ATP2C2: variants seen among roughly 807,000 people sequenced by gnomAD.
ATP2C2 encodes the protein ATPase secretory pathway Ca2+ transporting 2, also known as calcium-transporting ATPase type 2C member 2.
In ATP2C2, 171 loss-of-function variants were observed where a neutral mutation model predicts 110.8. That is an observed-to-expected ratio of 1.54 (90% CI 1.36 to 1.75). The LOEUF (loss-of-function observed/expected upper bound fraction) is 1.75. ATP2C2 is among the 40% of genes most tolerant of loss of function. The pLI, the probability that ATP2C2 is intolerant of heterozygous loss-of-function variation, is 0.00. For synonymous variants in ATP2C2, 804 were observed against 508.4 expected (o/e 1.58, Z -7.82); for missense variants, 1,963 against 1,235.0 (o/e 1.59, Z -8.84).
chr16:84,428,529 C>T (rs1247058649), intron 11 of ATP2C2, among the ~76,000 whole-genome samples: 1 of 152,000 alleles, frequency 6.6e-6, no homozygotes, highest in South Asian at 2.1e-4. Flanking sequence ...CTTAGTAACA[C>T]CAAATGCTGA....
At position 84,405,139 on chromosome 16, in the gene ATP2C2, C is replaced by T. The variant is rs1905645233; in HGVS notation, c.222C>T (p.His74=). ...DLARAFCVDL[H]TGLSEFSVTQ... is the part of the protein sequence containing the mutation. ...ACCTCTCCTTCCAGGTGGACTTACA[C>T]ACTGGGCTGTCGGAGTTCTCGGTGA... is the stretch of plus-strand genomic sequence containing the variant. The change falls in exon 3 of 27, where the codon CAC becomes CAT. Residue 74 remains histidine, a synonymous_variant. Coordinates refer to ENST00000262429, the MANE Select transcript of ATP2C2 (RefSeq NM_014861.4). The T allele has an allele frequency of 1.2e-6, 2 of 1,613,900 alleles. No homozygotes were observed. The highest frequency in any genetic ancestry group is 1.3e-5 in the African/African-American group (1 of 74,962).
intron 7 of ATP2C2, among the ~76,000 whole-genome samples, chr16:84,415,940 A>AT (rs11461873): frequency 0.031 from 4,794 of 152,254 alleles, 268 homozygotes; most frequent in African/African-American, 0.11. Flanking sequence ...AAGAAGTGAT[A>AT]TTAGAGGCGG....
At position 84,460,883 on chromosome 16, in the gene ATP2C2, ACAGC is replaced by A. The variant is rs1366302451; in HGVS notation, c.2481+83_2481+86del. ...GGACTGCAGTCCCTGCCCTCCTGCC[ACAGC>A]TCACATCTGGGAGAGGCAAACATGT... On this transcript the variant is annotated intron_variant, in intron 24 of 26. Coordinates refer to ENST00000262429, the MANE Select transcript of ATP2C2 (RefSeq NM_014861.4). 14 of 1,491,250 alleles carry A rather than the reference ACAGC, an allele frequency of 9.4e-6. No individual in the cohort carries two copies. The East Asian group carries it at 3.2e-4, about 34-fold the overall frequency. 92.4% of individuals were successfully genotyped at this position (1,491,250 alleles called of 1,614,324 possible). A position where few individuals can be genotyped will look rare whatever the true frequency, so the allele number is the denominator to read the frequency against.
intron 1 of ATP2C2, among the ~76,000 whole-genome samples, chr16:84,389,781 C>T (rs559723434): frequency 5.0e-4 from 72 of 144,420 alleles, no homozygotes; most frequent in African/African-American, 1.8e-3. Context: ...AGTACGGTGG[C>T]GCTATCTCCG....
Position 84,397,670 on chromosome 16 carries a change from A to AAAC in ATP2C2, c.100-827_100-826insCAA, listed in dbSNP as rs1366991805. On this transcript the variant is annotated intron_variant, in intron 1 of 26. Transcript: ENST00000262429. ...GCCTGGGTGACAAAAAAAAAAAAAA[A>AAAC]AAACTTGCTTAAAAATAGATGCATC... Among the ~76,000 whole-genome samples, 11 of 145,794 alleles carry AAAC rather than the reference A, an allele frequency of 7.5e-5. 1 individual carries two copies. Among genetic ancestry groups the AAAC allele is most frequent in the Non-Finnish European group, 1.4e-4 (9 of 65,172 alleles).
chr16:84,402,452 C>T (rs1428381717), intron 2 of ATP2C2, among the ~76,000 whole-genome samples: 7 of 152,126 alleles, frequency 4.6e-5, no homozygotes, highest in Non-Finnish European at 1.0e-4. Flanking sequence ...TCATATATGG[C>T]TTTTATTACA....
intron 6 of ATP2C2, among the ~76,000 whole-genome samples, chr16:84,412,429 C>T (rs570487221): frequency 1.3e-3 from 170 of 128,070 alleles, no homozygotes; most frequent in African/African-American, 4.3e-3. Flanking sequence ...TATGTGTGTG[C>T]GTGTGTGTAT....
At chr16:84,391,274 C>G (rs1387979746) in intron 1 of ATP2C2, among the ~76,000 whole-genome samples, 2 of 152,176 alleles carry the variant, frequency 1.3e-5, no homozygotes, top group Non-Finnish European at 2.9e-5. Flanking sequence ...GGACTGATGT[C>G]TACAAAGTAA....
chr16:84,443,276 C>T lies in ATP2C2; in HGVS notation c.1401+677C>T, dbSNP rs538083460. On this transcript the variant is annotated intron_variant, in intron 15 of 26. Transcript: ENST00000262429. ...GGGAGCAAAGGAAGGAAGAAGGTGGCCCCGGTCAGCTCCCACGTCTGTTTC... is the reference window on the plus strand; with the variant it reads ...GGGAGCAAAGGAAGGAAGAAGGTGGTCCCGGTCAGCTCCCACGTCTGTTTC... 2.6e-5 allele frequency among the ~76,000 whole-genome samples: 4 copies of T among 152,286 alleles called. No individual in the cohort carries two copies. In the East Asian group the frequency reaches 7.7e-4, roughly 29 times the overall value.
intron 17 of ATP2C2, 120 bp downstream of exon 17, chr16:84,448,809 C>G: frequency 7.4e-7 from 1 of 1,350,294 alleles, no homozygotes; most frequent in Admixed American, 2.4e-5. Flanking sequence ...AGGCAGCATG[C>G]TGACGGCAAT....
chr16:84,431,376 T>C (rs539430874), intron 11 of ATP2C2, among the ~76,000 whole-genome samples: 1 of 152,132 alleles, frequency 6.6e-6, no homozygotes, highest in South Asian at 2.1e-4. Context: ...GTACCTGTAA[T>C]CCCAGCTACT....
At chr16:84,412,208 A>G (rs567960253) in intron 6 of ATP2C2, among the ~76,000 whole-genome samples, 4 of 152,102 alleles carry the variant, frequency 2.6e-5, no homozygotes, top group Non-Finnish European at 4.4e-5. Context: ...GCTGCTACAA[A>G]AGTTACTGCA....
intron 18 of ATP2C2, among the ~76,000 whole-genome samples, chr16:84,452,292 C>T (rs1910359079): frequency 6.6e-6 from 1 of 152,164 alleles, no homozygotes; most frequent in African/African-American, 2.4e-5. Flanking sequence ...TTGGCAGGTT[C>T]TGCAAAAGGG....
Position 84,368,558 on chromosome 16 carries a change from G to A in ATP2C2, c.-58G>A, listed in dbSNP as rs1048092317. The A allele has an allele frequency of 6.3e-5, 86 of 1,359,168 alleles. No homozygotes were observed. Among genetic ancestry groups the A allele is most frequent in the Non-Finnish European group, 8.1e-5 (80 of 990,698 alleles). The allele number at this position is 1,359,168 out of a possible 1,614,324, so 84.2% of individuals were successfully genotyped here. ...GGCCCAGGAGGCTTGGGCGCGCGCA[G>A]CCATCCCGGGCCTCGCCGGGGACCT... On this transcript the variant is annotated 5_prime_UTR_variant, in exon 1 of 27. Transcript: ENST00000262429.
intron 1 of ATP2C2, among the ~76,000 whole-genome samples, chr16:84,378,626 G>T (rs1910389619): frequency 6.6e-6 from 1 of 152,232 alleles, no homozygotes; most frequent in Non-Finnish European, 1.5e-5. Flanking sequence ...TTGTTTTTCA[G>T]AATCAAGCCC....
At chr16:84,390,446 G>A (rs972036366) in intron 1 of ATP2C2, among the ~76,000 whole-genome samples, 2 of 152,206 alleles carry the variant, frequency 1.3e-5, no homozygotes, top group African/African-American at 4.8e-5. Flanking sequence ...TCTCTTCTAG[G>A]CCGTTTCCTT....
chr16:84,377,361 T>C (rs1386846556), intron 1 of ATP2C2, among the ~76,000 whole-genome samples: 1 of 152,136 alleles, frequency 6.6e-6, no homozygotes, highest in African/African-American at 2.4e-5. Context: ...GCATCTTTGT[T>C]GTCAATGAAT....
At chr16:84,381,771 C>A (rs148518945) in intron 1 of ATP2C2, among the ~76,000 whole-genome samples, 2 of 152,176 alleles carry the variant, frequency 1.3e-5, no homozygotes, top group African/African-American at 4.8e-5. Flanking sequence ...TAGTTGGTTT[C>A]CTTTTTTGAT....
intron 4 of ATP2C2, among the ~76,000 whole-genome samples, chr16:84,408,834 C>T (rs1402797663): frequency 2.0e-5 from 3 of 151,752 alleles, no homozygotes; most frequent in East Asian, 1.9e-4. Flanking sequence ...GATCCATTAC[C>T]GAGAGGTAAC....
Sources: allele counts gnomAD v4.1 joint callset (sites outside exome capture counted in the v4.1 genomes callset), GRCh38; gene constraint gnomAD v4.1.1; transcripts MANE v1.5; gene names NCBI Gene and HGNC (gene_info 2026-07-23, HGNC 2026-07-21).